Variants in GABRB2 observed in about 807,000 individuals in gnomAD.
The protein encoded by GABRB2 is gamma-aminobutyric acid receptor subunit beta-2.
In GABRB2, 16 loss-of-function variants were observed where a neutral mutation model predicts 54.7. The ratio of observed to expected loss-of-function variants is 0.29; its 90% CI spans 0.20 to 0.44. GABRB2 has a LOEUF of 0.44. Ranked by LOEUF, GABRB2 falls within the 20% of genes least tolerant of loss-of-function variation. The pLI, the probability that GABRB2 is intolerant of heterozygous loss-of-function variation, is 1.00. For synonymous variants in GABRB2, 244 were observed against 233.8 expected (o/e 1.04, Z -0.40); for missense variants, 355 against 644.0 (o/e 0.55, Z 4.86).
At chr5:161,303,328 G>A (rs990130685) in intron 9 of GABRB2, among the ~76,000 whole-genome samples, 1 of 152,152 alleles carries the variant, frequency 6.6e-6, no homozygotes, top group Non-Finnish European at 1.5e-5. Flanking sequence ...AGTTGTTGTT[G>A]TTTTGATTCT....
At chr5:161,399,538 C>T (rs1756117441) in intron 5 of GABRB2, among the ~76,000 whole-genome samples, 2 of 152,110 alleles carry the variant, frequency 1.3e-5, no homozygotes, top group Admixed American at 1.3e-4. Context: ...GCAGGTGCTC[C>T]CAATATACCA....
chr5:161,460,090 A>G (rs1172281589), intron 3 of GABRB2, among the ~76,000 whole-genome samples: 1 of 152,136 alleles, frequency 6.6e-6, no homozygotes, highest in Non-Finnish European at 1.5e-5. Context: ...GATTACAGGC[A>G]TGTGCCATCG....
At chr5:161,546,202 A>C (rs903774161) in intron 2 of GABRB2, 120 bp downstream of exon 2, 1 of 746,490 alleles carries the variant, frequency 1.3e-6, no homozygotes, top group East Asian at 2.6e-5. Context: ...ATATGGTAAA[A>C]TAGAGACACA....
intron 5 of GABRB2, among the ~76,000 whole-genome samples, chr5:161,361,875 C>T (rs969954949): frequency 6.6e-6 from 1 of 152,052 alleles, no homozygotes; most frequent in Non-Finnish European, 1.5e-5. Context: ...AATGGTATTG[C>T]CTAGGTTTTC....
At chr5:161,311,738 T>C (rs903931133) in intron 9 of GABRB2, among the ~76,000 whole-genome samples, 1 of 152,198 alleles carries the variant, frequency 6.6e-6, no homozygotes, top group Non-Finnish European at 1.5e-5. Context: ...CTCTGGGAAG[T>C]TTTTTAAAAA....
At chr5:161,430,363 T>C (rs529429424) in intron 4 of GABRB2, among the ~76,000 whole-genome samples, 1 of 152,204 alleles carries the variant, frequency 6.6e-6, no homozygotes, top group Non-Finnish European at 1.5e-5. Context: ...CCTTAAATAA[T>C]GTAGCAGATG....
At chr5:161,547,813 AGCGCCCCCTCCGCTGC>A (rs1761035608), upstream of GABRB2, 1 of 152,100 alleles carries the variant, frequency 6.6e-6, no homozygotes, top group Admixed American at 6.6e-5. Context: ...CCGGTCCCCC[AGCGCCCCCTCCGCTGC>A]GCGCACCCGC....
At chr5:161,451,383 G>A (rs941751652) in intron 4 of GABRB2, among the ~76,000 whole-genome samples, 7 of 152,096 alleles carry the variant, frequency 4.6e-5, no homozygotes, top group Admixed American at 3.9e-4. Flanking sequence ...GTTTTTAGAT[G>A]GGTCAGCTAC....
At chr5:161,384,269 T>A (rs911378021) in intron 5 of GABRB2, among the ~76,000 whole-genome samples, 5 of 152,212 alleles carry the variant, frequency 3.3e-5, no homozygotes, top group African/African-American at 1.2e-4. Context: ...AAATATGGAA[T>A]AAGGAATTTA....
At chr5:161,509,826 C>T (rs972549782) in intron 3 of GABRB2, among the ~76,000 whole-genome samples, 1 of 151,962 alleles carries the variant, frequency 6.6e-6, no homozygotes, top group Non-Finnish European at 1.5e-5. Flanking sequence ...ATCATCTCTG[C>T]TTTGCCTCTT....
chr5:161,484,859 T>C (rs1758870167), intron 3 of GABRB2, among the ~76,000 whole-genome samples: 1 of 151,980 alleles, frequency 6.6e-6, no homozygotes, highest in Non-Finnish European at 1.5e-5. Context: ...TTTTGGCCAC[T>C]GCATCACCCT....
chr5:161,366,761 C>A (rs908002610), intron 5 of GABRB2, among the ~76,000 whole-genome samples: 1 of 152,162 alleles, frequency 6.6e-6, no homozygotes, highest in African/African-American at 2.4e-5. Context: ...GCCTGGCCAA[C>A]ATGGCAAAAC....
intron 8 of GABRB2, among the ~76,000 whole-genome samples, chr5:161,327,307 G>C (rs970514983): frequency 3.3e-5 from 5 of 152,252 alleles, no homozygotes; most frequent in Non-Finnish European, 5.9e-5. Context: ...GGATTTTTCA[G>C]GTGAAATCAA....
At chr5:161,324,385 G>A (rs963018542) in intron 9 of GABRB2, among the ~76,000 whole-genome samples, 1 of 152,036 alleles carries the variant, frequency 6.6e-6, no homozygotes. Context: ...ACAATCCCTG[G>A]CACCATCTCC....
chr5:161,411,393 C>CTA (rs1199604469), intron 4 of GABRB2, among the ~76,000 whole-genome samples: 1 of 152,174 alleles, frequency 6.6e-6, no homozygotes, highest in Non-Finnish European at 1.5e-5. Context: ...TCACTGCTGA[C>CTA]TGAGAATGTG....
At chr5:161,539,013 C>T (rs905789020) in intron 3 of GABRB2, among the ~76,000 whole-genome samples, 2 of 152,148 alleles carry the variant, frequency 1.3e-5, no homozygotes, top group African/African-American at 2.4e-5. Flanking sequence ...TAAAAAACAG[C>T]AGCACTTTTC....
At chr5:161,514,579 G>T (rs1301558894) in intron 3 of GABRB2, among the ~76,000 whole-genome samples, 1 of 141,476 alleles carries the variant, frequency 7.1e-6, no homozygotes, top group South Asian at 2.1e-4. Context: ...GTATATATAC[G>T]TGTGTGTGTG....
chr5:161,518,693 A>G (rs185658619), intron 3 of GABRB2, among the ~76,000 whole-genome samples: 3 of 152,248 alleles, frequency 2.0e-5, no homozygotes, highest in African/African-American at 4.8e-5. Flanking sequence ...AAATACTCAC[A>G]TCATGGAGAT....
rs573579836 is a variant in GABRB2 at position 161,343,432 on chromosome 5, C to T, written c.542-6663G>A. ...CTTACGATGTAGGAGAATAGGAAAT[C>T]GTTAACAATCAAGTAAAATGTCAGA... On this transcript the variant is annotated intron_variant, in intron 5 of 9. Transcript: ENST00000393959. Among the ~76,000 whole-genome samples the T allele has an allele frequency of 7.9e-5, 12 of 151,972 alleles. No individual in the cohort carries two copies. In the South Asian group the frequency reaches 2.3e-3, roughly 29 times the overall value.
Sources: gnomAD v4.1 joint callset for allele counts (sites outside exome capture counted in the v4.1 genomes callset) on GRCh38, gnomAD v4.1.1 for gene constraint, MANE v1.5 for transcripts, NCBI Gene and HGNC (gene_info 2026-07-23, HGNC 2026-07-21) for gene names.